PLEKHB1: variants seen among roughly 807,000 people sequenced by gnomAD.
PLEKHB1 encodes the protein pleckstrin homology domain-containing family B member 1.
Under a neutral mutation model 36.2 loss-of-function variants are expected in PLEKHB1, and 29 were observed. The observed-to-expected ratio is 0.80, with a 90% CI of 0.60 to 1.09. The LOEUF is 1.09. Ranked by LOEUF, PLEKHB1 falls within the 50% of genes least tolerant of loss-of-function variation. The pLI, the probability that PLEKHB1 is intolerant of heterozygous loss-of-function variation, is 0.00. For missense variants in PLEKHB1, 330 were observed against 348.2 expected, an observed-to-expected ratio of 0.95 and a Z score of 0.42; for synonymous variants, 138 against 140.0, an observed-to-expected ratio of 0.99 and a Z score of 0.10.
Position 73,651,610 on chromosome 11 carries a change from G to A in PLEKHB1, c.248-178G>A, listed in dbSNP as rs183861997. On this transcript the variant is annotated intron_variant, in intron 3 of 7. Coordinates refer to ENST00000354190, the MANE Select transcript of PLEKHB1 (RefSeq NM_021200.3). ...GCTGAGGGAAGCCTCAGCATGGAAA[G>A]GTTGGAAAGGTTGGAAACGTAGAGT... The A allele has an allele frequency of 3.9e-5, 26 of 662,676 alleles. No individual in the cohort carries two copies. In the African/African-American group the frequency reaches 4.5e-4, roughly 11 times the overall value. 41.0% of individuals were successfully genotyped at this position (662,676 alleles called of 1,614,324 possible).
At chr11:73,647,451 A>T in intron 1 of PLEKHB1, 2 of 445,728 alleles carry the variant, frequency 4.5e-6, no homozygotes, top group Non-Finnish European at 5.9e-6. Context: ...CAAATGTCTT[A>T]ATAGAAAAGT....
chr11:73,653,037 C>A, intron 5 of PLEKHB1, 23 bp downstream of exon 5: 2 of 1,600,686 alleles, frequency 1.2e-6, no homozygotes, highest in Non-Finnish European at 1.7e-6. Context: ...TTCTCTCCCC[C>A]TTTCCCCACC....
At chr11:73,652,729 T>C (rs1944920272) in intron 4 of PLEKHB1, 1 of 464,890 alleles carries the variant, frequency 2.2e-6, no homozygotes, top group Non-Finnish European at 3.8e-6. Flanking sequence ...CCGTCCACTG[T>C]ATAGATGAGG....
intron 6 of PLEKHB1, among the ~76,000 whole-genome samples, chr11:73,659,514 C>A: frequency 6.6e-6 from 1 of 152,282 alleles, no homozygotes; most frequent in Non-Finnish European, 1.5e-5. Context: ...TCCTGGTATG[C>A]ACTTGGCCCT....
chr11:73,647,878 C>T (rs11601905), intron 1 of PLEKHB1: 146,526 of 980,884 alleles, frequency 0.15, 11,596 homozygotes, highest in South Asian at 0.3. Context: ...TGTGCCAGCC[C>T]TTGTTACGCA....
intron 5 of PLEKHB1, chr11:73,653,510 G>C (rs1468545733): frequency 4.4e-6 from 2 of 454,544 alleles, no homozygotes; most frequent in Non-Finnish European, 8.8e-6. Flanking sequence ...AGCCTAATGA[G>C]AAGCCAGACA....
At position 73,647,976 on chromosome 11, in the gene PLEKHB1, C is replaced by A. The variant is rs773831035; in HGVS notation, c.19-1036C>A. 8.1e-5 allele frequency: 80 copies of A among 985,342 alleles called. 1 individual carries two copies. The highest frequency in any genetic ancestry group is 5.2e-4 in the Middle Eastern group (1 of 1,936). The allele number at this position is 985,342 out of a possible 1,614,324, so 61.0% of individuals were successfully genotyped here. A position where few individuals can be genotyped will look rare whatever the true frequency, so the allele number is the denominator to read the frequency against. On this transcript the variant is annotated intron_variant, in intron 1 of 7. Transcript: ENST00000354190. Reference sequence around the variant, plus strand: ...GGAACAGAGGGCACCTACCTGGATTCCAGTGCAAGCTACATCATGTACATG... The same window carrying A: ...GGAACAGAGGGCACCTACCTGGATTACAGTGCAAGCTACATCATGTACATG...
rs2134805510 is a variant in PLEKHB1, at chr11:73,651,781, C to T, written c.248-7C>T. On this transcript the variant is annotated splice_region_variant and splice_polypyrimidine_tract_variant and intron_variant, in intron 3 of 7. Transcript: ENST00000354190. ...GTGGAAACCCATATATGTGTGTCTG[C>T]TTCCAGATGTGCAGCCCCCAGAGGG... is the stretch of plus-strand genomic sequence containing the variant. 1.2e-6 allele frequency: 2 copies of T among 1,612,214 alleles called. No individual in the cohort carries two copies. Among genetic ancestry groups the T allele is most frequent in the South Asian group, 1.1e-5 (1 of 90,804 alleles).
At chr11:73,656,845 A>C (rs1005573464) in intron 6 of PLEKHB1, among the ~76,000 whole-genome samples, 4 of 152,224 alleles carry the variant, frequency 2.6e-5, no homozygotes, top group Admixed American at 1.3e-4. Flanking sequence ...TAGGCCTAGG[A>C]AACCTGTAGT....
chr11:73,661,608 G>A lies in PLEKHB1; in HGVS notation c.*6G>A. ...GGTCGCCCTGCTGGTTCTGAGCCCT[G>A]GGACTCGGAGCACTGACCCCTGCGC... is the stretch of plus-strand genomic sequence containing the variant. On this transcript the variant is annotated 3_prime_UTR_variant, in exon 8 of 8. Coordinates refer to ENST00000354190, the MANE Select transcript of PLEKHB1 (RefSeq NM_021200.3). This position sits in a 1 kb window ranked among gnomAD's most constrained non-coding sequence, Gnocchi z 4.6. 6.4e-7 allele frequency: 1 copy of A among 1,573,444 alleles called. No individual in the cohort carries two copies. The highest frequency in any genetic ancestry group is 1.2e-5 in the South Asian group (1 of 85,332).
chr11:73,655,700 C>A, intron 5 of PLEKHB1, 103 bp from the exon 6 acceptor site: 1 of 968,038 alleles, frequency 1.0e-6, no homozygotes, highest in Non-Finnish European at 1.6e-6. Flanking sequence ...TGGCGGAGGG[C>A]TCTGGTAGGG....
chr11:73,656,723 C>G (rs1049095040), intron 6 of PLEKHB1, among the ~76,000 whole-genome samples: 1 of 152,184 alleles, frequency 6.6e-6, no homozygotes. Context: ...CTGAGCTCAT[C>G]TTACACAGTG....
intron 6 of PLEKHB1, among the ~76,000 whole-genome samples, chr11:73,658,356 C>T (rs1382399606): frequency 2.0e-5 from 3 of 152,210 alleles, no homozygotes; most frequent in Non-Finnish European, 4.4e-5. Flanking sequence ...ATGGGGATTG[C>T]ATCCTTCACC....
intron 1 of PLEKHB1, chr11:73,647,669 G>A: frequency 1.0e-6 from 1 of 985,504 alleles, no homozygotes; most frequent in Non-Finnish European, 1.2e-6. Flanking sequence ...CGCAGGCGCA[G>A]CGGGTTGGGT....
chr11:73,646,597 C>T lies in PLEKHB1; in HGVS notation c.-12C>T. ...GCCTTCTGGGAAATGCTGCCCTGGC[C>T]ACCCAGGAACCATGAGCCCTGCAGC... On this transcript the variant is annotated 5_prime_UTR_variant, in exon 1 of 8. Coordinates refer to ENST00000354190, the MANE Select transcript of PLEKHB1 (RefSeq NM_021200.3). 6.4e-7 allele frequency: 1 copy of T among 1,551,560 alleles called. No homozygotes were observed. Among genetic ancestry groups the T allele is most frequent in the Non-Finnish European group, 8.7e-7 (1 of 1,146,962 alleles).
chr11:73,661,493 G>A lies in PLEKHB1; in HGVS notation c.623G>A (p.Arg208Gln). 6.2e-7 allele frequency: 1 copy of A among 1,613,788 alleles called. No homozygotes were observed. The change falls in exon 8 of 8, where the codon CGG (arginine) becomes CAG (glutamine). Residue 208 changes from arginine to glutamine, a missense_variant. By Grantham distance (43) the Arg-to-Gln change is conservative. Coordinates refer to ENST00000354190, the MANE Select transcript of PLEKHB1 (RefSeq NM_021200.3). The surrounding 1 kb of genome is among the most constrained non-coding windows in gnomAD (Gnocchi z 4.6). ...CCTGGCGTGACGCACGTGATAGTGCGGGAGGATCCCTGCTACAGCGCCGGC... is the reference window on the plus strand; with the variant it reads ...CCTGGCGTGACGCACGTGATAGTGCAGGAGGATCCCTGCTACAGCGCCGGC... ...AGPGVTHVIV[R>Q]EDPCYSAGAP...
At chr11:73,648,828 A>C in intron 1 of PLEKHB1, 184 bp from the exon 2 acceptor site, 3 of 1,346,994 alleles carry the variant, frequency 2.2e-6, no homozygotes, top group Non-Finnish European at 1.9e-6. Context: ...TGCTGACCCC[A>C]CAGTGACAGT....
chr11:73,659,851 G>C (rs1945067600), intron 6 of PLEKHB1, among the ~76,000 whole-genome samples: 1 of 152,148 alleles, frequency 6.6e-6, no homozygotes, highest in Non-Finnish European at 1.5e-5. Context: ...ATTAGAGGTG[G>C]TGTAACACAC....
rs771823981 is a variant in PLEKHB1 at position 73,660,766 on chromosome 11, G to A, written c.509G>A (p.Ser170Asn). 3 of 1,596,584 alleles carry A rather than the reference G, an allele frequency of 1.9e-6. No individual in the cohort carries two copies. Among genetic ancestry groups the A allele is most frequent in the Non-Finnish European group, 2.6e-6 (3 of 1,172,906 alleles). The change falls in exon 7 of 8, where the codon AGC (serine) becomes AAC (asparagine). Residue 170 changes from serine (S) to asparagine (N), a missense_variant. Ser to Asn is a conservative substitution (Grantham distance 46). Transcript: ENST00000354190. The stretch of plus-strand genomic sequence containing the variant: ...TGGATTCCCCAGGTGCGCGTCTACA[G>A]CCCGTACCAAGACTACTACGAGGTG... ...VERRIWVRVY[S>N]PYQDYYEVVP...
Sources: gnomAD v4.1 joint callset for allele counts (sites outside exome capture counted in the v4.1 genomes callset) on GRCh38, gnomAD v4.1.1 for gene constraint, Gnocchi (gnomAD v3.1) non-coding constraint, MANE v1.5 for transcripts, NCBI Gene and HGNC (gene_info 2026-07-23, HGNC 2026-07-21) for gene names.